NRXN3: variants seen among roughly 807,000 people sequenced by gnomAD.
NRXN3 encodes the protein neurexin III.
In NRXN3, 32 loss-of-function variants were observed where a neutral mutation model predicts 137.6. The ratio of observed to expected loss-of-function variants is 0.23; its 90% CI spans 0.18 to 0.31. The LOEUF (loss-of-function observed/expected upper bound fraction) is 0.31, where lower values mean the gene tolerates loss of function less well. Among genes scored for constraint, NRXN3 ranks in the 10% least tolerant of loss-of-function variants. The probability of loss-of-function intolerance (pLI) is 1.00; values close to 1 mark genes in which losing one functional copy is unlikely to be tolerated. For synonymous variants in NRXN3, 798 were observed against 784.5 expected (o/e 1.02, Z -0.29); for missense variants, 1,574 against 2,062.5 (o/e 0.76, Z 4.59).
intron 6 of NRXN3, among the ~76,000 whole-genome samples, chr14:78,655,517 A>G (rs548108404): frequency 6.6e-6 from 1 of 152,268 alleles, no homozygotes; most frequent in East Asian, 1.9e-4. Context: ...CCTGCCCTCA[A>G]TGATGACTTT....
intron 4 of NRXN3, among the ~76,000 whole-genome samples, chr14:78,323,226 G>A (rs1251671329): frequency 6.6e-6 from 1 of 151,960 alleles, no homozygotes; most frequent in African/African-American, 2.4e-5. Flanking sequence ...ATTTTTGTGG[G>A]GGATGAGGTA....
chr14:79,136,519 A>G (rs552823167), intron 15 of NRXN3, among the ~76,000 whole-genome samples: 1 of 152,340 alleles, frequency 6.6e-6, no homozygotes, highest in African/African-American at 2.4e-5. Flanking sequence ...TTAGAAGAGG[A>G]AATCCATTAG....
At chr14:79,402,949 C>A (rs1486794376) in intron 15 of NRXN3, among the ~76,000 whole-genome samples, 1 of 152,052 alleles carries the variant, frequency 6.6e-6, no homozygotes, top group Non-Finnish European at 1.5e-5. Context: ...AGTAATTATA[C>A]CTGCAAAGGA....
intron 6 of NRXN3, among the ~76,000 whole-genome samples, chr14:78,658,084 G>A (rs1376393236): frequency 3.9e-5 from 6 of 152,156 alleles, no homozygotes; most frequent in Non-Finnish European, 5.9e-5. Context: ...CTGTCCATAA[G>A]CAGGTGAATT....
At chr14:78,435,417 A>G (rs1176776071) in intron 4 of NRXN3, among the ~76,000 whole-genome samples, 2 of 152,204 alleles carry the variant, frequency 1.3e-5, no homozygotes, top group Non-Finnish European at 2.9e-5. Context: ...AGAAAGCTTC[A>G]GGGCTGTGGC....
At position 79,184,598 on chromosome 14, in the gene NRXN3, G is replaced by A. The variant is rs376655955; in HGVS notation, c.3262+196457G>A. Among the ~76,000 whole-genome samples, 5 of 152,270 alleles carry A rather than the reference G, an allele frequency of 3.3e-5. No individual in the cohort carries two copies. The East Asian group carries it at 5.8e-4, about 18-fold the overall frequency. Reference sequence around the variant, plus strand: ...CTCCCCTGCCCCCATGCTAACCTGAGCTTTCTGGAGGATGATAAAGGCGAC... The same window carrying A: ...CTCCCCTGCCCCCATGCTAACCTGAACTTTCTGGAGGATGATAAAGGCGAC... On this transcript the variant is annotated intron_variant, in intron 15 of 20. Transcript: ENST00000335750.
chr14:78,491,440 G>A (rs1311365148), intron 4 of NRXN3, among the ~76,000 whole-genome samples: 1 of 152,162 alleles, frequency 6.6e-6, no homozygotes, highest in African/African-American at 2.4e-5. Flanking sequence ...AGGCAGAGAG[G>A]AAGGAAGATT....
intron 8 of NRXN3, among the ~76,000 whole-genome samples, chr14:78,715,834 A>C (rs188331544): frequency 2.2e-4 from 34 of 151,818 alleles, no homozygotes; most frequent in African/African-American, 8.0e-4. Context: ...CGAGCATTTA[A>C]TGTTAGTGAT....
At chr14:79,493,759 C>A (rs1488533684) in intron 16 of NRXN3, among the ~76,000 whole-genome samples, 3 of 152,130 alleles carry the variant, frequency 2.0e-5, no homozygotes, top group Admixed American at 6.5e-5. Flanking sequence ...CTTGAAATTC[C>A]CATGCAATTT....
chr14:78,314,934 T>TTCCTTCCTTCCTTC (rs2078456793), intron 4 of NRXN3, among the ~76,000 whole-genome samples: 1 of 99,228 alleles, frequency 1.0e-5, no homozygotes, highest in Admixed American at 1.0e-4. Flanking sequence ...TTTCTTTCTT[T>TTCCTTCCTTCCTTC]CTTTCTTTCT....
At chr14:78,866,721 G>C (rs998256658) in intron 10 of NRXN3, among the ~76,000 whole-genome samples, 2 of 150,474 alleles carry the variant, frequency 1.3e-5, no homozygotes, top group African/African-American at 4.9e-5. Context: ...ACATTCTGGA[G>C]ATCATGAATT....
intron 2 of NRXN3, among the ~76,000 whole-genome samples, chr14:78,256,637 G>C (rs2069660584): frequency 1.3e-5 from 2 of 152,340 alleles, no homozygotes; most frequent in South Asian, 4.1e-4. Context: ...CATTCTTTGG[G>C]GATGCAGGAC....
chr14:79,308,949 A>T, intron 15 of NRXN3, among the ~76,000 whole-genome samples: 3 of 118,146 alleles, frequency 2.5e-5, no homozygotes, highest in Non-Finnish European at 3.5e-5. Context: ...TTTTTATTAT[A>T]CTCTAAGTTT....
rs1305760692 is a variant in NRXN3 at position 78,988,301 on chromosome 14, A to AGAGTGAAGAGATGTGTC, written c.3262+161_3262+177dup. ...ATAAATGACTAGTGCTCTTATGAGA[A>AGAGTGAAGAGATGTGTC]GAGTGAAGAGATGTGTCTTGCTTAA... is the stretch of plus-strand genomic sequence containing the variant. On this transcript the variant is annotated intron_variant, in intron 15 of 20. Transcript: ENST00000335750. 6.0e-6 allele frequency: 5 copies of AGAGTGAAGAGATGTGTC among 839,388 alleles called. No individual in the cohort carries two copies. The African/African-American group carries it at 8.5e-5, about 14-fold the overall frequency. 52.0% of individuals were successfully genotyped at this position (839,388 alleles called of 1,614,324 possible). A position where few individuals can be genotyped will look rare whatever the true frequency, so the allele number is the denominator to read the frequency against.
intron 2 of NRXN3, among the ~76,000 whole-genome samples, chr14:78,275,057 T>C (rs1311194021): frequency 6.6e-6 from 1 of 152,202 alleles, no homozygotes; most frequent in Non-Finnish European, 1.5e-5. Flanking sequence ...AAGTAGTCTT[T>C]GTCAGGTATA....
intron 10 of NRXN3, among the ~76,000 whole-genome samples, chr14:78,885,077 A>G (rs1386856388): frequency 6.6e-6 from 1 of 151,210 alleles, no homozygotes; most frequent in Non-Finnish European, 1.5e-5. Flanking sequence ...ATTGTAAAAT[A>G]TAATGCAGTG....
rs368393400 is a variant in NRXN3 at position 78,821,694 on chromosome 14, TA to T, written c.2275+11362del. Among the ~76,000 whole-genome samples the T allele has an allele frequency of 2.0e-3, 280 of 140,902 alleles. 1 individual carries two copies. The highest frequency in any genetic ancestry group is 3.4e-3 in the Admixed American group (48 of 14,060). 92.4% of individuals were successfully genotyped at this position (140,902 alleles called of 152,430 possible). A position where few individuals can be genotyped will look rare whatever the true frequency, so the allele number is the denominator to read the frequency against. ...AAAAGAGAACACAAAGGAAGATGGA[TA>T]AAAAAAAAAAATGATGCAGCCACTG... On this transcript the variant is annotated intron_variant, in intron 10 of 20. Coordinates refer to ENST00000335750, the MANE Select transcript of NRXN3 (RefSeq NM_001330195.2).
chr14:78,382,961 A>T (rs1028514557), intron 4 of NRXN3, among the ~76,000 whole-genome samples: 2 of 152,132 alleles, frequency 1.3e-5, no homozygotes, highest in African/African-American at 4.8e-5. Context: ...TATTATGGTC[A>T]GTTTGGGTGT....
At chr14:78,174,224 G>A (rs1458244483) in intron 1 of NRXN3, among the ~76,000 whole-genome samples, 2 of 152,116 alleles carry the variant, frequency 1.3e-5, no homozygotes, top group South Asian at 2.1e-4. Flanking sequence ...AAGGTTATGT[G>A]GGGGAGGCAG....
Sources: gnomAD v4.1 joint callset for allele counts (sites outside exome capture counted in the v4.1 genomes callset) on GRCh38, gnomAD v4.1.1 for gene constraint, MANE v1.5 for transcripts, NCBI Gene and HGNC (gene_info 2026-07-23, HGNC 2026-07-21) for gene names.